LAMA2: variants seen among roughly 807,000 people sequenced by gnomAD.
LAMA2 encodes laminin subunit alpha-2.
LAMA2 carries 269 observed loss-of-function variants against 364.8 expected under a neutral mutation model. That is an observed-to-expected ratio of 0.74 (90% CI 0.67 to 0.82). The LOEUF (loss-of-function observed/expected upper bound fraction) is 0.82. LAMA2 is among the 40% of genes least tolerant of loss of function. The pLI is 0.00. For missense variants in LAMA2, 3,807 were observed against 3,873.2 expected, an observed-to-expected ratio of 0.98 and a Z score of 0.45; for synonymous variants, 1,379 against 1,370.6, an observed-to-expected ratio of 1.01 and a Z score of -0.14.
intron 16 of LAMA2, 39 bp downstream of exon 16, chr6:129,267,258 C>A: frequency 1.6e-6 from 2 of 1,284,918 alleles, no homozygotes; most frequent in Non-Finnish European, 2.3e-6. Context: ...ATTGACAAGG[C>A]TGAAATCACC....
At chr6:129,253,937 G>T (rs1786447008) in intron 14 of LAMA2, among the ~76,000 whole-genome samples, 1 of 152,144 alleles carries the variant, frequency 6.6e-6, no homozygotes. Flanking sequence ...AAGCACTGTG[G>T]TTCAATAAGT....
intron 41 of LAMA2, among the ~76,000 whole-genome samples, chr6:129,431,028 A>G (rs2114746967): frequency 6.6e-6 from 1 of 152,202 alleles, no homozygotes; most frequent in Non-Finnish European, 1.5e-5. Flanking sequence ...TTTCAGTTTT[A>G]TTTCCTTCTT....
intron 60 of LAMA2, among the ~76,000 whole-genome samples, chr6:129,504,370 A>T (rs1335031452): frequency 1.3e-5 from 2 of 152,216 alleles, no homozygotes; most frequent in East Asian, 3.8e-4. Context: ...GAACTTAAAT[A>T]CTATAATTAG....
chr6:129,072,843 T>C (rs1051940098), intron 3 of LAMA2, among the ~76,000 whole-genome samples: 1 of 152,178 alleles, frequency 6.6e-6, no homozygotes, highest in African/African-American at 2.4e-5. Context: ...AGTTCTCATA[T>C]GTTTAATTCT....
At position 129,403,961 on chromosome 6, in the gene LAMA2, T is replaced by C. The variant is rs1554290316; in HGVS notation, c.5865+2T>C. On this transcript the variant is annotated splice_donor_variant, in intron 40 of 64. Transcript: ENST00000421865. LOFTEE classifies it high-confidence loss of function. ...CTTGCACATGAAGCTACAAAACTGGTAAGAAACAAATGGCACATGTGCTGG... is the reference window on the plus strand; with the variant it reads ...CTTGCACATGAAGCTACAAAACTGGCAAGAAACAAATGGCACATGTGCTGG... 6.2e-7 allele frequency: 1 copy of C among 1,613,712 alleles called. No individual in the cohort carries two copies. The highest frequency in any genetic ancestry group is 1.3e-5 in the African/African-American group (1 of 74,922).
chr6:129,381,351 C>A (rs1778677390), intron 34 of LAMA2, among the ~76,000 whole-genome samples: 1 of 149,556 alleles, frequency 6.7e-6, no homozygotes, highest in African/African-American at 2.4e-5. Flanking sequence ...CTTTTCTTTT[C>A]TTTTTTTTTG....
chr6:129,228,464 T>C (rs1784471740), intron 12 of LAMA2, among the ~76,000 whole-genome samples: 1 of 152,100 alleles, frequency 6.6e-6, no homozygotes, highest in Non-Finnish European at 1.5e-5. Context: ...ATTCCAATTA[T>C]ACTGGTTTCT....
chr6:128,981,579 CAAAAAAAAA>C (rs145266584), intron 1 of LAMA2, among the ~76,000 whole-genome samples: 15,884 of 119,518 alleles, frequency 0.13, 909 homozygotes, highest in East Asian at 0.17. Context: ...CCATCTCTAC[CAAAAAAAAA>C]AAAAAAAAAA....
intron 3 of LAMA2, among the ~76,000 whole-genome samples, chr6:129,067,560 G>C (rs1255641307): frequency 2.0e-5 from 3 of 152,138 alleles, no homozygotes; most frequent in Admixed American, 2.0e-4. Flanking sequence ...TCCACTAAAA[G>C]TGGAAATCTT....
chr6:129,250,262 A>G (rs1786080301), intron 13 of LAMA2, 49 bp downstream of exon 13: 2 of 1,140,700 alleles, frequency 1.8e-6, no homozygotes, highest in African/African-American at 3.1e-5. Context: ...GATGTTACTT[A>G]AGGTTACCAG....
At chr6:129,309,231 C>T (rs570945410) in intron 22 of LAMA2, among the ~76,000 whole-genome samples, 1 of 152,316 alleles carries the variant, frequency 6.6e-6, no homozygotes, top group Non-Finnish European at 1.5e-5. Context: ...ACGAAGCCTG[C>T]CTTCTTTCAC....
intron 45 of LAMA2, 27 bp from the exon 46 acceptor site, chr6:129,452,961 G>A (rs531552830): frequency 6.2e-7 from 1 of 1,606,526 alleles, no homozygotes; most frequent in African/African-American, 1.3e-5. Flanking sequence ...TTTACTCTTG[G>A]TTCTTTGTAT....
At chr6:129,465,421 A>T in intron 51 of LAMA2, 132 bp downstream of exon 51, 1 of 785,200 alleles carries the variant, frequency 1.3e-6, no homozygotes, top group Non-Finnish European at 2.1e-6. Flanking sequence ...TTATACAGTC[A>T]TTTTTTTGGC....
chr6:129,315,516 A>T lies in LAMA2; in HGVS notation c.3596A>T (p.Asp1199Val), dbSNP rs1774529783. The T allele has an allele frequency of 1.2e-6, 2 of 1,614,212 alleles. No homozygotes were observed. Among genetic ancestry groups the T allele is most frequent in the Admixed American group, 1.7e-5 (1 of 60,030 alleles). The change falls in exon 25 of 65, where the codon GAT becomes GTT. Residue 1199 changes from aspartate (D) to valine (V), a missense_variant. By Grantham distance (152) the Asp-to-Val change is radical. Coordinates refer to ENST00000421865, the MANE Select transcript of LAMA2 (RefSeq NM_000426.4). ...KAEQTILPLV[D>V]EALQHTTTKG... Reference sequence around the variant, plus strand: ...GAGCAGACCATTCTACCCCTGGTAGATGAGGCTCTGCAGCACACGACCACC... The same window carrying T: ...GAGCAGACCATTCTACCCCTGGTAGTTGAGGCTCTGCAGCACACGACCACC...
intron 1 of LAMA2, among the ~76,000 whole-genome samples, chr6:129,041,735 G>A (rs995074194): frequency 5.3e-5 from 8 of 152,108 alleles, no homozygotes; most frequent in Admixed American, 2.0e-4. Flanking sequence ...AAGCATAGTG[G>A]CTGATGCCTG....
chr6:128,942,862 GAA>G (rs1780242240), intron 1 of LAMA2, among the ~76,000 whole-genome samples: 1 of 152,148 alleles, frequency 6.6e-6, no homozygotes, highest in Admixed American at 6.5e-5. Flanking sequence ...AGGGGTAACC[GAA>G]AAGTGTGGGA....
At chr6:128,952,759 T>C (rs1320034512) in intron 1 of LAMA2, among the ~76,000 whole-genome samples, 1 of 152,204 alleles carries the variant, frequency 6.6e-6, no homozygotes, top group African/African-American at 2.4e-5. Context: ...ATTTTGCTTA[T>C]GTTAGCCTTC....
In LAMA2 at chr6:128,889,115, A is replaced by G. The variant is rs570809903; in HGVS notation, c.112+5758A>G. Among the ~76,000 whole-genome samples, 26 of 152,348 alleles carry G rather than the reference A, an allele frequency of 1.7e-4. 1 individual carries two copies. In the South Asian group the frequency reaches 5.4e-3, roughly 32 times the overall value. On this transcript the variant is annotated intron_variant, in intron 1 of 64. Coordinates refer to ENST00000421865, the MANE Select transcript of LAMA2 (RefSeq NM_000426.4). ...CAATTTGTGTGCAGGGAACTTCCGC[A>G]GCTTTTAAAAATTTTGCTCCAGTGT... is the stretch of plus-strand genomic sequence containing the variant.
chr6:128,900,462 C>G (rs1034302724), intron 1 of LAMA2, among the ~76,000 whole-genome samples: 1 of 152,102 alleles, frequency 6.6e-6, no homozygotes, highest in Admixed American at 6.5e-5. Flanking sequence ...GAAGAGCTAA[C>G]TTTTAGGAAG....
Sources: gnomAD v4.1 joint callset for allele counts (sites outside exome capture counted in the v4.1 genomes callset) on GRCh38, gnomAD v4.1.1 for gene constraint, MANE v1.5 for transcripts, NCBI Gene and HGNC (gene_info 2026-07-23, HGNC 2026-07-21) for gene names.